The following IQCH variants were observed in gnomAD, a reference collection of about 807,000 sequenced individuals.
IQCH encodes the protein IQ motif containing H.
IQCH carries 98 observed loss-of-function variants against 117.0 expected under a neutral mutation model. The ratio of observed to expected loss-of-function variants is 0.84; its 90% CI spans 0.71 to 0.99. The LOEUF is 0.99. Among genes scored for constraint, IQCH ranks in the 50% least tolerant of loss-of-function variants. The pLI, the probability that IQCH is intolerant of heterozygous loss-of-function variation, is 0.00. For missense variants in IQCH, 1,102 were observed against 1,243.8 expected, an observed-to-expected ratio of 0.89 and a Z score of 1.72; for synonymous variants, 412 against 448.2, an observed-to-expected ratio of 0.92 and a Z score of 1.02.
At chr15:67,334,437 A>C (rs755469823) in intron 4 of IQCH, among the ~76,000 whole-genome samples, 5 of 152,138 alleles carry the variant, frequency 3.3e-5, no homozygotes, top group Non-Finnish European at 5.9e-5. Context: ...TGAAATCTTC[A>C]TGCATGAAAT....
In IQCH at chr15:67,490,892, T is replaced by C. The variant is rs544435277; in HGVS notation, c.2861+828T>C. ...TCTCCCAGATTTCCCTCTGGGATAT[T>C]TTGGAGCCTAGCAAAGCCTCCTATC... On this transcript the variant is annotated intron_variant, in intron 19 of 20. Transcript: ENST00000335894. This position sits in a 1 kb window ranked among gnomAD's most constrained non-coding sequence, Gnocchi z 4.9. Among the ~76,000 whole-genome samples the C allele has an allele frequency of 3.8e-4, 58 of 152,236 alleles. No homozygotes were observed. The highest frequency in any genetic ancestry group is 7.1e-4 in the Non-Finnish European group (48 of 68,038).
At position 67,436,596 on chromosome 15, in the gene IQCH, G is replaced by A. The variant is rs1363515829; in HGVS notation, c.2505+15019G>A. Among the ~76,000 whole-genome samples the A allele has an allele frequency of 6.6e-6, 1 of 152,168 alleles. No homozygotes were observed. Among genetic ancestry groups the A allele is most frequent in the African/African-American group, 2.4e-5 (1 of 41,428 alleles). ...AGAACTCAGGGGAGGGCACAAATCCGGTGTGCAGACTCCATAGGCAGGGGA... is the reference window on the plus strand; with the variant it reads ...AGAACTCAGGGGAGGGCACAAATCCAGTGTGCAGACTCCATAGGCAGGGGA... On this transcript the variant is annotated intron_variant, in intron 16 of 20. Coordinates refer to ENST00000335894, the MANE Select transcript of IQCH (RefSeq NM_001031715.3). This position sits in a 1 kb window ranked among gnomAD's most constrained non-coding sequence, Gnocchi z 5.1.
At chr15:67,352,697 G>A (rs1224783688) in intron 6 of IQCH, among the ~76,000 whole-genome samples, 1 of 151,886 alleles carries the variant, frequency 6.6e-6, no homozygotes, top group Non-Finnish European at 1.5e-5. Context: ...TTTGTCTTTT[G>A]TTTCCTCTCT....
chr15:67,471,078 G>A (rs1469144586), intron 17 of IQCH, among the ~76,000 whole-genome samples: 1 of 151,956 alleles, frequency 6.6e-6, no homozygotes, highest in Non-Finnish European at 1.5e-5. Flanking sequence ...TTCATTGCAT[G>A]GATGTGCCAT....
chr15:67,453,012 C>T lies in IQCH; in HGVS notation c.2506-12115C>T, dbSNP rs2082570098. 1.3e-5 allele frequency among the ~76,000 whole-genome samples: 2 copies of T among 152,158 alleles called. No individual in the cohort carries two copies. The highest frequency in any genetic ancestry group is 4.2e-4 in the South Asian group (2 of 4,818). On this transcript the variant is annotated intron_variant, in intron 16 of 20. Transcript: ENST00000335894. This position sits in a 1 kb window ranked among gnomAD's most constrained non-coding sequence, Gnocchi z 5.8. ...ACTGATACCCTTTCTTCCAGTTGATCACGTCGGCTAATAAGGCTTCTGCAT... is the reference window on the plus strand; with the variant it reads ...ACTGATACCCTTTCTTCCAGTTGATTACGTCGGCTAATAAGGCTTCTGCAT...
intron 4 of IQCH, among the ~76,000 whole-genome samples, chr15:67,317,733 G>C (rs1046128502): frequency 4.6e-5 from 7 of 152,074 alleles, no homozygotes; most frequent in African/African-American, 1.7e-4. Flanking sequence ...TGCATAGAAG[G>C]TACTCAATAA....
chr15:67,409,336 G>T (rs1321765737), intron 14 of IQCH, among the ~76,000 whole-genome samples: 1 of 152,160 alleles, frequency 6.6e-6, no homozygotes, highest in African/African-American at 2.4e-5. Context: ...CACAGGGTGA[G>T]CCTAGAAAGA....
At chr15:67,423,095 G>A (rs1305016532) in intron 16 of IQCH, among the ~76,000 whole-genome samples, 1 of 152,244 alleles carries the variant, frequency 6.6e-6, no homozygotes, top group South Asian at 2.1e-4. Context: ...CCCTCCATTG[G>A]TTTTACATTC....
intron 3 of IQCH, among the ~76,000 whole-genome samples, chr15:67,270,407 T>G (rs1360301521): frequency 6.6e-6 from 1 of 152,220 alleles, no homozygotes; most frequent in Non-Finnish European, 1.5e-5. Flanking sequence ...TATATCCAGT[T>G]TGCTGAAGGT....
chr15:67,352,094 A>G (rs1969687204), intron 6 of IQCH, among the ~76,000 whole-genome samples: 1 of 151,634 alleles, frequency 6.6e-6, no homozygotes, highest in Admixed American at 6.6e-5. Context: ...TCCTCATTAT[A>G]CTTTTATTCC....
At chr15:67,383,389 T>G (rs1161878596) in intron 10 of IQCH, among the ~76,000 whole-genome samples, 6 of 152,198 alleles carry the variant, frequency 3.9e-5, no homozygotes. Context: ...ACTTATTCAC[T>G]CACATGCTGC....
intron 5 of IQCH, among the ~76,000 whole-genome samples, chr15:67,343,588 C>G (rs917120591): frequency 1.8e-4 from 27 of 152,128 alleles, no homozygotes; most frequent in African/African-American, 6.3e-4. Context: ...TGAGAAATGT[C>G]TAAAAATAAC....
intron 12 of IQCH, among the ~76,000 whole-genome samples, chr15:67,394,588 A>G (rs1596305548): frequency 6.6e-6 from 1 of 152,210 alleles, no homozygotes; most frequent in African/African-American, 2.4e-5. Flanking sequence ...TAGACTAGCT[A>G]GAATTATTTA....
rs1021219097 is a variant in IQCH, at chr15:67,416,110, C to G, written c.2098-821C>G. On this transcript the variant is annotated intron_variant, in intron 14 of 20. Coordinates refer to ENST00000335894, the MANE Select transcript of IQCH (RefSeq NM_001031715.3). The surrounding 1 kb of genome is among the most constrained non-coding windows in gnomAD (Gnocchi z 5.1). ...AAAAATATATGGAGGTGTCCAGGTGCGGTGGCTCACACCTGTAATCCCAAC... is the reference window on the plus strand; with the variant it reads ...AAAAATATATGGAGGTGTCCAGGTGGGGTGGCTCACACCTGTAATCCCAAC... Among the ~76,000 whole-genome samples the G allele has an allele frequency of 4.6e-5, 7 of 152,064 alleles. No homozygotes were observed. The highest frequency in any genetic ancestry group is 1.7e-4 in the African/African-American group (7 of 41,414).
chr15:67,296,534 T>C (rs139728554), intron 4 of IQCH, among the ~76,000 whole-genome samples: 3 of 152,084 alleles, frequency 2.0e-5, no homozygotes, highest in African/African-American at 7.2e-5. Context: ...CAGGCCATCA[T>C]GCAGAAGATG....
chr15:67,486,208 T>C (rs1022557236), intron 18 of IQCH, among the ~76,000 whole-genome samples: 1 of 151,688 alleles, frequency 6.6e-6, no homozygotes, highest in Non-Finnish European at 1.5e-5. Flanking sequence ...TTTTTTTTCT[T>C]TTTGTATTTT....
intron 4 of IQCH, among the ~76,000 whole-genome samples, chr15:67,307,824 A>T (rs1967378089): frequency 6.6e-6 from 1 of 152,170 alleles, no homozygotes; most frequent in Non-Finnish European, 1.5e-5. Flanking sequence ...GGGAAAGTGA[A>T]GGTCACCCCC....
intron 16 of IQCH, among the ~76,000 whole-genome samples, chr15:67,442,821 T>G (rs1246715878): frequency 3.6e-5 from 2 of 55,726 alleles, no homozygotes; most frequent in African/African-American, 1.3e-4. Flanking sequence ...AACTGTGAGA[T>G]AGATAGATAG....
intron 4 of IQCH, among the ~76,000 whole-genome samples, chr15:67,309,303 G>C (rs1967468238): frequency 6.6e-6 from 1 of 152,038 alleles, no homozygotes; most frequent in Admixed American, 6.6e-5. Context: ...GGTCCAGGGA[G>C]GGAACCAGAA....
Sources: gnomAD v4.1 joint callset for allele counts (sites outside exome capture counted in the v4.1 genomes callset) on GRCh38, gnomAD v4.1.1 for gene constraint, Gnocchi (gnomAD v3.1) non-coding constraint, MANE v1.5 for transcripts, NCBI Gene and HGNC (gene_info 2026-07-23, HGNC 2026-07-21) for gene names.